Variants in OLA1 observed in about 807,000 individuals in gnomAD.
OLA1 encodes Obg like ATPase 1.
OLA1 carries 14 observed loss-of-function variants against 48.4 expected under a neutral mutation model. The observed-to-expected ratio is 0.29, with a 90% CI of 0.19 to 0.45. The LOEUF is 0.45. Ranked by LOEUF, OLA1 falls within the 20% of genes least tolerant of loss-of-function variation. OLA1 has a pLI of 1.00. For synonymous variants in OLA1, 127 were observed against 150.4 expected, an observed-to-expected ratio of 0.84 and a Z score of 1.14; for missense variants, 325 against 467.1, an observed-to-expected ratio of 0.70 and a Z score of 2.80.
chr2:174,237,418 T>A (rs998944287), intron 2 of OLA1, among the ~76,000 whole-genome samples: 7 of 152,092 alleles, frequency 4.6e-5, no homozygotes, highest in African/African-American at 1.4e-4. Flanking sequence ...CTTTTTTTTT[T>A]TATAAGTAGA....
At chr2:174,127,817 C>A (rs988349684) in intron 5 of OLA1, among the ~76,000 whole-genome samples, 1 of 152,080 alleles carries the variant, frequency 6.6e-6, no homozygotes, top group Admixed American at 6.6e-5. Context: ...TTTAGCCAGA[C>A]CCTGCACTGA....
Position 174,144,950 on chromosome 2 carries a change from AAATATATATATATATATAT to A in OLA1, c.374-2969_374-2951del, listed in dbSNP as rs1686554259. ...CTGTTTAAAAAAAAAAAAAAAAAAAAAATATATATATATATATATATATATATATATAATCACGGAATAT... is the reference window on the plus strand; with the variant it reads ...CTGTTTAAAAAAAAAAAAAAAAAAAAATATATATATATAATCACGGAATAT... On this transcript the variant is annotated intron_variant, in intron 4 of 10. Transcript: ENST00000284719. Among the ~76,000 whole-genome samples the A allele has an allele frequency of 3.1e-5, 2 of 63,502 alleles. 1 individual carries two copies. Among genetic ancestry groups the A allele is most frequent in the East Asian group, 1.6e-3 (2 of 1,226 alleles). The allele number at this position is 63,502 out of a possible 152,430, so 41.7% of individuals were successfully genotyped here.
intron 4 of OLA1, among the ~76,000 whole-genome samples, chr2:174,219,423 CTTTTTTTTTT>C (rs372577919): frequency 2.1e-5 from 2 of 94,894 alleles, no homozygotes; most frequent in Non-Finnish European, 3.9e-5. Flanking sequence ...TTTTATTTCC[CTTTTTTTTTT>C]TTTTTTTTTT....
chr2:174,142,122 T>C, intron 4 of OLA1, 122 bp from the exon 5 acceptor site: 1 of 875,490 alleles, frequency 1.1e-6, no homozygotes, highest in South Asian at 1.7e-5. Context: ...TCTGGCTTCT[T>C]GGCAAGTAGG....
At chr2:174,136,325 C>A (rs1272370354) in intron 5 of OLA1, among the ~76,000 whole-genome samples, 1 of 152,208 alleles carries the variant, frequency 6.6e-6, no homozygotes, top group African/African-American at 2.4e-5. Context: ...CCCGCCACTG[C>A]CTTACCAACT....
intron 4 of OLA1, among the ~76,000 whole-genome samples, chr2:174,213,250 A>G (rs1034668058): frequency 3.3e-5 from 5 of 152,216 alleles, no homozygotes; most frequent in African/African-American, 1.2e-4. Context: ...AAACTGTCCC[A>G]TAGCTCAGAA....
intron 4 of OLA1, among the ~76,000 whole-genome samples, chr2:174,194,864 C>G (rs1256612416): frequency 6.6e-6 from 1 of 152,174 alleles, no homozygotes; most frequent in Non-Finnish European, 1.5e-5. Context: ...TACCACAACT[C>G]TATGTCATCA....
At chr2:174,092,336 T>C (rs1685148020) in intron 7 of OLA1, among the ~76,000 whole-genome samples, 2 of 151,878 alleles carry the variant, frequency 1.3e-5, no homozygotes, top group South Asian at 4.2e-4. Flanking sequence ...TAAATTGAGT[T>C]GAAACTTAAT....
chr2:174,161,587 C>A (rs978807185), intron 4 of OLA1, among the ~76,000 whole-genome samples: 1 of 151,530 alleles, frequency 6.6e-6, no homozygotes, highest in Admixed American at 6.6e-5. Context: ...ACTGCTTTAG[C>A]CCAAGTGTTC....
At chr2:174,194,367 T>C (rs1315014979) in intron 4 of OLA1, among the ~76,000 whole-genome samples, 1 of 152,184 alleles carries the variant, frequency 6.6e-6, no homozygotes, top group East Asian at 1.9e-4. Context: ...CTAGCTGAAC[T>C]CTTCTCACTG....
At chr2:174,133,362 T>C (rs1179801429) in intron 5 of OLA1, among the ~76,000 whole-genome samples, 1 of 152,080 alleles carries the variant, frequency 6.6e-6, no homozygotes, top group Non-Finnish European at 1.5e-5. Flanking sequence ...TGACATACAA[T>C]ATTTTCTTTT....
intron 7 of OLA1, among the ~76,000 whole-genome samples, chr2:174,109,134 C>CA (rs1000483704): frequency 1.3e-5 from 2 of 152,042 alleles, no homozygotes; most frequent in African/African-American, 4.8e-5. Flanking sequence ...TATTTCATAG[C>CA]AAAAAAAGTC....
At chr2:174,112,509 C>T (rs530420722) in intron 7 of OLA1, among the ~76,000 whole-genome samples, 3 of 152,138 alleles carry the variant, frequency 2.0e-5, no homozygotes, top group South Asian at 2.1e-4. Context: ...TTTGAATGTG[C>T]CCCCCAAGGT....
intron 7 of OLA1, among the ~76,000 whole-genome samples, chr2:174,089,378 T>G (rs780478256): frequency 4.6e-5 from 7 of 152,160 alleles, no homozygotes; most frequent in Non-Finnish European, 7.3e-5. Flanking sequence ...GAGATAACTA[T>G]GCAGACCAAC....
intron 7 of OLA1, among the ~76,000 whole-genome samples, chr2:174,113,700 C>A (rs1685710546): frequency 6.6e-6 from 1 of 152,096 alleles, no homozygotes; most frequent in South Asian, 2.1e-4. Context: ...TAAAACAAAG[C>A]AAAATGCTAA....
rs1428985294 is a variant in OLA1 at position 174,075,531 on chromosome 2, C to A, written c.1090-4G>T. 3 of 1,577,548 alleles carry A rather than the reference C, an allele frequency of 1.9e-6. No individual in the cohort carries two copies. The highest frequency in any genetic ancestry group is 1.1e-5 in the South Asian group (1 of 89,796). On this transcript the variant is annotated splice_region_variant and splice_polypyrimidine_tract_variant and intron_variant, in intron 10 of 10. Transcript: ENST00000284719. ...GTTGTCTGTACTTTCCAGCAGCCTG[C>A]AAACAGAAAATATAGAGGAAATGGG...
intron 4 of OLA1, chr2:174,217,947 GTGAAGCT>G (rs1015796369): frequency 6.6e-6 from 1 of 152,028 alleles, no homozygotes; most frequent in Non-Finnish European, 1.5e-5. Flanking sequence ...TTAGCTATAT[GTGAAGCT>G]TCACCTAGAC....
chr2:174,224,990 G>C (rs571674131), intron 3 of OLA1, among the ~76,000 whole-genome samples: 23 of 152,292 alleles, frequency 1.5e-4, no homozygotes, highest in South Asian at 1.2e-3. Flanking sequence ...AGTTGATATA[G>C]TTTGGATGTT....
chr2:174,119,063 T>C (rs1249408348), intron 7 of OLA1, among the ~76,000 whole-genome samples: 1 of 151,202 alleles, frequency 6.6e-6, no homozygotes, highest in African/African-American at 2.4e-5. Flanking sequence ...TGTAAAAATA[T>C]ATTCAAATGC....
Sources: allele counts gnomAD v4.1 joint callset (sites outside exome capture counted in the v4.1 genomes callset), GRCh38; gene constraint gnomAD v4.1.1; transcripts MANE v1.5; gene names NCBI Gene and HGNC (gene_info 2026-07-23, HGNC 2026-07-21).